Variants in FGF12 observed in about 807,000 individuals in gnomAD.
FGF12 encodes fibroblast growth factor 12B.
In FGF12, 14 loss-of-function variants were observed where a neutral mutation model predicts 23.6. The observed-to-expected ratio is 0.59, with a 90% CI of 0.39 to 0.93. The LOEUF (loss-of-function observed/expected upper bound fraction) is 0.93. Among genes scored for constraint, FGF12 ranks in the 40% least tolerant of loss-of-function variants. The pLI is 0.00. For synonymous variants in FGF12, 62 were observed against 77.3 expected (o/e 0.80, Z 1.04); for missense variants, 175 against 217.8 (o/e 0.80, Z 1.24).
At chr3:192,647,433 G>C (rs1716045064) in intron 2 of FGF12, among the ~76,000 whole-genome samples, 1 of 151,906 alleles carries the variant, frequency 6.6e-6, no homozygotes, top group Non-Finnish European at 1.5e-5. Context: ...ACATTCTGAA[G>C]ACTGCCAAGG....
chr3:192,715,053 C>T (rs1309299615), intron 2 of FGF12, among the ~76,000 whole-genome samples: 1 of 152,136 alleles, frequency 6.6e-6, no homozygotes, highest in Non-Finnish European at 1.5e-5. Flanking sequence ...TGACAGTGTT[C>T]TTGTACGTAT....
chr3:192,310,052 T>C (rs1215485520), intron 4 of FGF12, among the ~76,000 whole-genome samples: 1 of 152,152 alleles, frequency 6.6e-6, no homozygotes, highest in Non-Finnish European at 1.5e-5. Context: ...TGAGTGAAAG[T>C]AATATTGATT....
intron 5 of FGF12, among the ~76,000 whole-genome samples, chr3:192,163,521 G>T (rs1310954426): frequency 6.6e-6 from 1 of 152,074 alleles, no homozygotes; most frequent in Non-Finnish European, 1.5e-5. Flanking sequence ...GGCCAGATTT[G>T]ACCAAAAGGA....
At chr3:192,226,127 C>T (rs895261589) in intron 4 of FGF12, among the ~76,000 whole-genome samples, 3 of 152,286 alleles carry the variant, frequency 2.0e-5, no homozygotes, top group East Asian at 3.9e-4. Context: ...AATTTCCTGA[C>T]TTGGTATATG....
chr3:192,236,694 TTTGC>T (rs145733107), intron 4 of FGF12, among the ~76,000 whole-genome samples: 2,137 of 152,244 alleles, frequency 0.014, 39 homozygotes, highest in East Asian at 0.05. Flanking sequence ...TTGCTCTCCC[TTTGC>T]TTGATCTTTC....
chr3:192,390,006 G>A (rs1342924868), intron 2 of FGF12, among the ~76,000 whole-genome samples: 1 of 152,224 alleles, frequency 6.6e-6, no homozygotes, highest in Non-Finnish European at 1.5e-5. Context: ...CATAGTCGCT[G>A]ACTTAGTTCA....
chr3:192,351,129 TAA>T (rs1416139201), intron 3 of FGF12, among the ~76,000 whole-genome samples: 1 of 152,200 alleles, frequency 6.6e-6, no homozygotes, highest in Non-Finnish European at 1.5e-5. Flanking sequence ...GTGTTTAAAA[TAA>T]AAAGTTTCCC....
chr3:192,597,551 C>T (rs949827155), intron 2 of FGF12, among the ~76,000 whole-genome samples: 2 of 152,072 alleles, frequency 1.3e-5, no homozygotes, highest in Non-Finnish European at 2.9e-5. Flanking sequence ...ATTGCATTCA[C>T]CCTAGTGCAG....
chr3:192,222,280 CGACTCTATTGAAGA>C (rs145947884), intron 4 of FGF12, among the ~76,000 whole-genome samples: 10,809 of 151,956 alleles, frequency 0.071, 409 homozygotes, highest in African/African-American at 0.082. Context: ...TCTTAACAGC[CGACTCTATTGAAGA>C]GACTCTATTG....
intron 2 of FGF12, among the ~76,000 whole-genome samples, chr3:192,391,449 C>T (rs999006717): frequency 6.6e-6 from 1 of 152,088 alleles, no homozygotes; most frequent in Non-Finnish European, 1.5e-5. Context: ...TTTCTCAAAG[C>T]ACATTATAAA....
chr3:192,675,778 T>G (rs1717306874), intron 2 of FGF12, among the ~76,000 whole-genome samples: 1 of 152,204 alleles, frequency 6.6e-6, no homozygotes, highest in African/African-American at 2.4e-5. Flanking sequence ...TAAAATGTTT[T>G]CAAGTCAACA....
intron 2 of FGF12, among the ~76,000 whole-genome samples, chr3:192,389,139 C>T (rs1388310105): frequency 6.6e-6 from 1 of 152,198 alleles, no homozygotes; most frequent in Non-Finnish European, 1.5e-5. Flanking sequence ...GCAGGCGGAT[C>T]ACCAGATGTC....
At chr3:192,704,174 A>G (rs760556886) in intron 2 of FGF12, among the ~76,000 whole-genome samples, 1 of 152,238 alleles carries the variant, frequency 6.6e-6, no homozygotes, top group Non-Finnish European at 1.5e-5. Context: ...AGGAATCATT[A>G]TCTACAGCAA....
intron 2 of FGF12, among the ~76,000 whole-genome samples, chr3:192,500,092 C>G (rs942863304): frequency 5.3e-5 from 8 of 152,288 alleles, no homozygotes; most frequent in Admixed American, 4.6e-4. Flanking sequence ...CTTAGAAATG[C>G]ACTTACACCT....
intron 2 of FGF12, among the ~76,000 whole-genome samples, chr3:192,586,254 G>A (rs995044858): frequency 1.3e-5 from 2 of 152,114 alleles, no homozygotes; most frequent in Admixed American, 6.5e-5. Context: ...ATGAAATACT[G>A]AAGCAGACAG....
intron 4 of FGF12, among the ~76,000 whole-genome samples, chr3:192,248,642 A>G (rs1251757883): frequency 1.3e-5 from 2 of 152,068 alleles, no homozygotes; most frequent in East Asian, 1.9e-4. Flanking sequence ...GCCAGGTGTG[A>G]TGGTACACGC....
At chr3:192,323,844 G>A (rs1044674403) in intron 4 of FGF12, among the ~76,000 whole-genome samples, 12 of 152,016 alleles carry the variant, frequency 7.9e-5, no homozygotes, top group African/African-American at 2.2e-4. Context: ...TAATCTTAGC[G>A]CTTTGGGAGG....
chr3:192,486,315 T>A (rs1026332944), intron 2 of FGF12, among the ~76,000 whole-genome samples: 4 of 152,150 alleles, frequency 2.6e-5, no homozygotes, highest in Non-Finnish European at 4.4e-5. Context: ...GTTTTTTTTT[T>A]AATTCAAATT....
chr3:192,391,349 G>A lies in FGF12; in HGVS notation c.14-30811C>T, dbSNP rs145428639. Among the ~76,000 whole-genome samples the A allele has an allele frequency of 4.1e-4, 63 of 152,254 alleles. No homozygotes were observed. The East Asian group carries it at 0.011, about 28-fold the overall frequency. On this transcript the variant is annotated intron_variant, in intron 2 of 5. Transcript: ENST00000445105. ...CTAGACCAACTGGTGATTTAATTTA[G>A]AATGCAAGCAAAAATCTCTTATGAA...
Sources: gnomAD v4.1 joint callset for allele counts (sites outside exome capture counted in the v4.1 genomes callset) on GRCh38, gnomAD v4.1.1 for gene constraint, MANE v1.5 for transcripts, NCBI Gene and HGNC (gene_info 2026-07-23, HGNC 2026-07-21) for gene names.